Variants in PRPF6 observed in about 807,000 individuals in gnomAD.
PRPF6 encodes the protein pre-mRNA processing factor 6.
Under a neutral mutation model 118.3 loss-of-function variants are expected in PRPF6, and 42 were observed. The ratio of observed to expected loss-of-function variants is 0.35; its 90% CI spans 0.28 to 0.46. PRPF6 has a LOEUF of 0.46. PRPF6 is among the 20% of genes least tolerant of loss of function. The pLI is 1.00. For missense variants in PRPF6, 662 were observed against 1,255.7 expected (o/e 0.53, Z 7.15); for synonymous variants, 481 against 485.1 (o/e 0.99, Z 0.11).
chr20:64,017,729 A>AT (rs574254345), intron 12 of PRPF6, among the ~76,000 whole-genome samples: 178 of 151,306 alleles, frequency 1.2e-3, no homozygotes, highest in African/African-American at 4.0e-3. Context: ...CTTACCTCTT[A>AT]TTTTTTTTTC....
chr20:64,000,582 T>C (rs2059162318), intron 8 of PRPF6, among the ~76,000 whole-genome samples: 1 of 151,622 alleles, frequency 6.6e-6, no homozygotes, highest in African/African-American at 2.4e-5. Flanking sequence ...TTTTTTTTTT[T>C]CTTTTTTTTT....
chr20:64,026,463 G>A lies in PRPF6; in HGVS notation c.2028+405G>A, dbSNP rs1256563985. On this transcript the variant is annotated intron_variant, in intron 15 of 20. Transcript: ENST00000266079. This position sits in a 1 kb window ranked among gnomAD's most constrained non-coding sequence, Gnocchi z 4.4. The stretch of plus-strand genomic sequence containing the variant: ...GGAGGTTGCGGTGAGCTGAGATCGC[G>A]CCACTGCACTCCAGCCTGGGCAGCA... 6.6e-6 allele frequency among the ~76,000 whole-genome samples: 1 copy of A among 152,024 alleles called. No individual in the cohort carries two copies. The highest frequency in any genetic ancestry group is 1.9e-4 in the East Asian group (1 of 5,180).
chr20:64,032,404 C>CT (rs1428782879), intron 20 of PRPF6, among the ~76,000 whole-genome samples: 12 of 152,320 alleles, frequency 7.9e-5, no homozygotes, highest in African/African-American at 2.9e-4. Flanking sequence ...CTGAGTGTGG[C>CT]TTTCTAGGAC....
chr20:64,027,851 T>TTGGG lies in PRPF6; in HGVS notation c.2339+116_2339+119dup. 1 of 1,473,324 alleles carries TTGGG rather than the reference T, an allele frequency of 6.8e-7. No homozygotes were observed. The highest frequency in any genetic ancestry group is 9.5e-7 in the Non-Finnish European group (1 of 1,057,164). The allele number at this position is 1,473,324 out of a possible 1,614,324, so 91.3% of individuals were successfully genotyped here. On this transcript the variant is annotated intron_variant, in intron 17 of 20. Coordinates refer to ENST00000266079, the MANE Select transcript of PRPF6 (RefSeq NM_012469.4). This position sits in a 1 kb window ranked among gnomAD's most constrained non-coding sequence, Gnocchi z 6.5. Reference sequence around the variant, plus strand: ...GTGCAGTGCTTCCAGGCTCAGGGGCTTGGGGGGCGGTAGGTGCTGGCCATG... The same window carrying TTGGG: ...GTGCAGTGCTTCCAGGCTCAGGGGCTTGGGTGGGGGGCGGTAGGTGCTGGCCATG...
chr20:64,001,315 A>G lies in PRPF6; in HGVS notation c.1186+76A>G, dbSNP rs150669620. On this transcript the variant is annotated intron_variant, in intron 9 of 20. Transcript: ENST00000266079. ...TCAGCAGCTTTCCTGCTCCTGGCTC[A>G]GGCTTTTGGTGAGAGTGGATAAGGA... 1.4e-5 allele frequency: 22 copies of G among 1,546,224 alleles called. No individual in the cohort carries two copies. In the African/African-American group the frequency reaches 2.0e-4, roughly 14 times the overall value.
At chr20:63,985,574 A>G (rs1051497702) in intron 3 of PRPF6, among the ~76,000 whole-genome samples, 1 of 152,200 alleles carries the variant, frequency 6.6e-6, no homozygotes, top group South Asian at 2.1e-4. Flanking sequence ...TTTGTGGATT[A>G]CTTTTACGAT....
chr20:64,008,178 G>A (rs1412284574), intron 9 of PRPF6, among the ~76,000 whole-genome samples: 1 of 152,208 alleles, frequency 6.6e-6, no homozygotes, highest in Admixed American at 6.5e-5. Context: ...ATAACCACAT[G>A]CACACATGGT....
intron 6 of PRPF6, among the ~76,000 whole-genome samples, chr20:63,996,354 CA>C (rs1449079946): frequency 2.6e-5 from 4 of 151,906 alleles, no homozygotes; most frequent in Non-Finnish European, 5.9e-5. Context: ...AAAACAAAAA[CA>C]AAAACAAAAA....
chr20:64,010,285 C>T lies in PRPF6; in HGVS notation c.1272C>T (p.Ser424=). The T allele has an allele frequency of 6.2e-7, 1 of 1,614,024 alleles. No homozygotes were observed. The highest frequency in any genetic ancestry group is 8.5e-7 in the Non-Finnish European group (1 of 1,180,044). The change falls in exon 10 of 21, where the codon AGC becomes AGT. Residue 424 remains serine, a synonymous_variant. Coordinates refer to ENST00000266079, the MANE Select transcript of PRPF6 (RefSeq NM_012469.4). Reference sequence around the variant, plus strand: ...CTGAAGATGCTAGAATCATGCTGAGCCGAGCTGTGGAGTGCTGCCCCACCA... The same window carrying T: ...CTGAAGATGCTAGAATCATGCTGAGTCGAGCTGTGGAGTGCTGCCCCACCA... The part of the protein sequence containing the change: ...EEPEDARIML[S]RAVECCPTSV...
intron 19 of PRPF6, among the ~76,000 whole-genome samples, chr20:64,031,651 C>A (rs56769409): frequency 7.2e-6 from 1 of 139,434 alleles, no homozygotes; most frequent in Admixed American, 8.0e-5. Context: ...CCAGCCTGGG[C>A]GACAGAGCGA....
intron 6 of PRPF6, 34 bp from the exon 7 acceptor site, chr20:63,999,011 G>A: frequency 6.4e-7 from 1 of 1,560,470 alleles, no homozygotes; most frequent in Non-Finnish European, 8.8e-7. Flanking sequence ...ACCTGGTCAT[G>A]TCCAGCTGAC....
Position 64,027,069 on chromosome 20 carries a change from G to A in PRPF6, c.2116G>A (p.Glu706Lys). Residue 706 changes from glutamate to lysine, a missense_variant, in exon 16 of 21, where the codon GAG becomes AAG. Coordinates refer to ENST00000266079, the MANE Select transcript of PRPF6 (RefSeq NM_012469.4). This position sits in a 1 kb window ranked among gnomAD's most constrained non-coding sequence, Gnocchi z 6.5. ...GTGCGAGGAGGCCCTGCGGCACTAT[G>A]AGGACTTCCCCAAGCTGTGGATGAT... Reference protein sequence around the residue: ...DLCEEALRHYEDFPKLWMMKG... With the variant: ...DLCEEALRHYKDFPKLWMMKG... The A allele has an allele frequency of 6.2e-7, 1 of 1,614,092 alleles. No homozygotes were observed. The highest frequency in any genetic ancestry group is 1.1e-5 in the South Asian group (1 of 91,090).
intron 8 of PRPF6, among the ~76,000 whole-genome samples, chr20:64,000,548 T>C (rs894741198): frequency 6.6e-6 from 1 of 151,288 alleles, no homozygotes; most frequent in Non-Finnish European, 1.5e-5. Context: ...GAAATCATGC[T>C]CTTTTCACAA....
intron 1 of PRPF6, 58 bp from the exon 2 acceptor site, chr20:63,982,989 G>A: frequency 6.3e-7 from 1 of 1,591,060 alleles, no homozygotes; most frequent in East Asian, 2.3e-5. Flanking sequence ...ACCAGGAGTG[G>A]AGAAGAGCAC....
chr20:64,008,571 G>T lies in PRPF6; in HGVS notation c.1187-1629G>T, dbSNP rs907756674. Among the ~76,000 whole-genome samples the T allele has an allele frequency of 3.9e-5, 6 of 152,262 alleles. No homozygotes were observed. The East Asian group carries it at 1.2e-3, about 29-fold the overall frequency. ...TGCCTTTGGCAGTGGCTGGTGACCCGTGCCCGCATCTGTTCCTTCATTAGG... is the reference window on the plus strand; with the variant it reads ...TGCCTTTGGCAGTGGCTGGTGACCCTTGCCCGCATCTGTTCCTTCATTAGG... On this transcript the variant is annotated intron_variant, in intron 9 of 20. Coordinates refer to ENST00000266079, the MANE Select transcript of PRPF6 (RefSeq NM_012469.4).
intron 12 of PRPF6, among the ~76,000 whole-genome samples, chr20:64,018,365 G>A (rs2059248475): frequency 6.6e-6 from 1 of 152,096 alleles, no homozygotes; most frequent in Admixed American, 6.6e-5. Context: ...TGATGCTGTA[G>A]ACTCCTCTTT....
At chr20:63,990,453 G>T (rs1277159387) in intron 3 of PRPF6, among the ~76,000 whole-genome samples, 1 of 151,544 alleles carries the variant, frequency 6.6e-6, no homozygotes, top group African/African-American at 2.4e-5. Context: ...GTAATTAAAC[G>T]TGAATGGCAT....
At position 64,016,873 on chromosome 20, in the gene PRPF6, G is replaced by A. The variant is rs200410928; in HGVS notation, c.1647+28G>A. 1,926 of 1,613,736 alleles carry A rather than the reference G, an allele frequency of 1.2e-3. 2 individuals are homozygous for A. Among genetic ancestry groups the A allele is most frequent in the Non-Finnish European group, 1.6e-3 (1,843 of 1,179,792 alleles). ...GAGTTGGCAACAGGGGCCTTTGTCC[G>A]TAATATGGAGTCTCTGCTTGTGGGA... On this transcript the variant is annotated intron_variant, in intron 12 of 20. Coordinates refer to ENST00000266079, the MANE Select transcript of PRPF6 (RefSeq NM_012469.4).
At position 64,010,184 on chromosome 20, in the gene PRPF6, G is replaced by A. The variant is rs115990565; in HGVS notation, c.1187-16G>A. The A allele has an allele frequency of 2.4e-5, 39 of 1,609,216 alleles. No individual in the cohort carries two copies. Among genetic ancestry groups the A allele is most frequent in the South Asian group, 4.4e-5 (4 of 91,006 alleles). ...CTCCTTTTCTGTGACGTGGTTTCTC[G>A]TTTGACCTTTCCTAGCCCTCGAGCA... On this transcript the variant is annotated splice_polypyrimidine_tract_variant and intron_variant, in intron 9 of 20. Transcript: ENST00000266079.
Sources: gnomAD v4.1 joint callset for allele counts (sites outside exome capture counted in the v4.1 genomes callset) on GRCh38, gnomAD v4.1.1 for gene constraint, Gnocchi (gnomAD v3.1) non-coding constraint, MANE v1.5 for transcripts, NCBI Gene and HGNC (gene_info 2026-07-23, HGNC 2026-07-21) for gene names.